Variants in SYN2 observed in about 807,000 individuals in gnomAD.
The protein encoded by SYN2 is synapsin II, also known as synapsin-2.
A neutral mutation model predicts 50.9 loss-of-function variants in SYN2; 19 were observed. The observed-to-expected ratio is 0.37, with a 90% CI of 0.26 to 0.55. SYN2 has a LOEUF of 0.55. Ranked by LOEUF, SYN2 falls within the 20% of genes least tolerant of loss-of-function variation. The pLI, the probability that SYN2 is intolerant of heterozygous loss-of-function variation, is 0.81. For synonymous variants in SYN2, 255 were observed against 224.9 expected (o/e 1.13, Z -1.20); for missense variants, 587 against 576.4 (o/e 1.02, Z -0.19).
At chr3:12,110,707 T>C (rs1489960301) in intron 1 of SYN2, among the ~76,000 whole-genome samples, 2 of 152,220 alleles carry the variant, frequency 1.3e-5, no homozygotes, top group Admixed American at 1.3e-4. Context: ...TTTTTCCTCC[T>C]AGGCCTCTGG....
chr3:12,054,534 C>T (rs996055686), intron 1 of SYN2, among the ~76,000 whole-genome samples: 22 of 152,130 alleles, frequency 1.4e-4, no homozygotes, highest in African/African-American at 5.3e-4. Flanking sequence ...CTGATTCAAC[C>T]AATTACTTAC....
intron 1 of SYN2, among the ~76,000 whole-genome samples, chr3:12,076,775 C>G (rs1468586042): frequency 6.6e-6 from 1 of 152,082 alleles, no homozygotes; most frequent in African/African-American, 2.4e-5. Flanking sequence ...GAACACAGGT[C>G]TATCCCATTA....
intron 1 of SYN2, among the ~76,000 whole-genome samples, chr3:12,084,915 A>G (rs1376535108): frequency 6.6e-6 from 1 of 152,188 alleles, no homozygotes; most frequent in Non-Finnish European, 1.5e-5. Context: ...AAAGGATTCA[A>G]AGTATACCAC....
At chr3:12,054,689 C>T (rs753837192) in intron 1 of SYN2, among the ~76,000 whole-genome samples, 18 of 144,600 alleles carry the variant, frequency 1.2e-4, no homozygotes, top group Non-Finnish European at 2.1e-4. Context: ...TTTAACACTA[C>T]TGTCTCCTGG....
intron 1 of SYN2, among the ~76,000 whole-genome samples, chr3:12,086,519 T>C (rs1340455146): frequency 3.9e-5 from 6 of 152,180 alleles, no homozygotes; most frequent in Admixed American, 3.9e-4. Flanking sequence ...TCATTCACCG[T>C]GATCAAGTGA....
intron 1 of SYN2, among the ~76,000 whole-genome samples, chr3:12,021,055 TA>T (rs1314016527): frequency 2.0e-5 from 3 of 152,236 alleles, no homozygotes; most frequent in African/African-American, 7.2e-5. Flanking sequence ...TATAACTTCA[TA>T]TTTTTTTCAC....
chr3:12,006,374 A>G (rs998833604), intron 1 of SYN2, among the ~76,000 whole-genome samples: 3 of 152,214 alleles, frequency 2.0e-5, no homozygotes, highest in Non-Finnish European at 4.4e-5. Context: ...TGCATATGAT[A>G]GTGCCACTGG....
chr3:12,058,155 G>T (rs990115530), intron 1 of SYN2, among the ~76,000 whole-genome samples: 2 of 152,148 alleles, frequency 1.3e-5, no homozygotes, highest in South Asian at 2.1e-4. Flanking sequence ...CCATCTGGAG[G>T]TTGATTTGGT....
chr3:12,179,756 A>G (rs144267391), intron 10 of SYN2, among the ~76,000 whole-genome samples: 75 of 152,256 alleles, frequency 4.9e-4, no homozygotes, highest in African/African-American at 1.7e-3. Context: ...CACCCTTAAG[A>G]GGTGGCCAGA....
rs147991024 is a variant in SYN2 at position 12,061,409 on chromosome 3, T to G, written c.377+56481T>G. On this transcript the variant is annotated intron_variant, in intron 1 of 12. Transcript: ENST00000621198. ...AGGCATAAAGGTGAATTTCCTCAAC[T>G]TATTAAAGAACATCTTACAAAAAAA... 6.9e-3 allele frequency among the ~76,000 whole-genome samples: 1,053 copies of G among 152,204 alleles called. 12 individuals carry two copies. The highest frequency in any genetic ancestry group is 0.024 in the African/African-American group (983 of 41,544).
intron 1 of SYN2, among the ~76,000 whole-genome samples, chr3:12,130,649 T>C (rs1310596981): frequency 6.6e-6 from 1 of 152,222 alleles, no homozygotes; most frequent in Non-Finnish European, 1.5e-5. Context: ...TGGGCACCTG[T>C]GGCCTAATCA....
At chr3:12,043,337 T>C (rs1247074484) in intron 1 of SYN2, among the ~76,000 whole-genome samples, 1 of 152,162 alleles carries the variant, frequency 6.6e-6, no homozygotes, top group Non-Finnish European at 1.5e-5. Flanking sequence ...TGCTTTTTTT[T>C]CCTCTCCTAA....
intron 1 of SYN2, among the ~76,000 whole-genome samples, chr3:12,089,779 A>G (rs183830259): frequency 1.6e-4 from 24 of 152,236 alleles, no homozygotes; most frequent in Non-Finnish European, 2.5e-4. Flanking sequence ...ATAATTGGGG[A>G]GTCAGAGAGA....
At chr3:12,068,108 A>G (rs1695260441) in intron 1 of SYN2, among the ~76,000 whole-genome samples, 1 of 152,226 alleles carries the variant, frequency 6.6e-6, no homozygotes, top group South Asian at 2.1e-4. Flanking sequence ...CTCAAATGTA[A>G]TAAGTGTATT....
chr3:12,106,746 G>A (rs1297892179), intron 1 of SYN2, among the ~76,000 whole-genome samples: 1 of 151,932 alleles, frequency 6.6e-6, no homozygotes, highest in East Asian at 1.9e-4. Flanking sequence ...TATAATTCAG[G>A]GCTGTGGCTA....
At chr3:12,174,466 T>A (rs1363082337) in intron 10 of SYN2, among the ~76,000 whole-genome samples, 1 of 152,090 alleles carries the variant, frequency 6.6e-6, no homozygotes, top group African/African-American at 2.4e-5. Context: ...GCTCTCTCTC[T>A]GAAATGCTCT....
chr3:12,014,141 T>G (rs1227903265), intron 1 of SYN2, among the ~76,000 whole-genome samples: 1 of 152,220 alleles, frequency 6.6e-6, no homozygotes, highest in African/African-American at 2.4e-5. Flanking sequence ...ATGTGTCTGC[T>G]TCCCCACTAG....
chr3:12,100,108 G>A lies in SYN2; in HGVS notation c.378-40543G>A, dbSNP rs536596559. Among the ~76,000 whole-genome samples, 8 of 152,132 alleles carry A rather than the reference G, an allele frequency of 5.3e-5. No homozygotes were observed. The South Asian group carries it at 1.2e-3, about 24-fold the overall frequency. ...TTGATATGGATTACATTGAACCTGT[G>A]CAGTTTTTTATTGCAGAAATTGACA... On this transcript the variant is annotated intron_variant, in intron 1 of 12. Coordinates refer to ENST00000621198, the MANE Select transcript of SYN2 (RefSeq NM_133625.6).
At chr3:12,021,885 C>T (rs865946412) in intron 1 of SYN2, among the ~76,000 whole-genome samples, 11 of 152,014 alleles carry the variant, frequency 7.2e-5, no homozygotes, top group Non-Finnish European at 1.3e-4. Context: ...GCCAGCGTAA[C>T]GAAACCCCGT....
Sources: gnomAD v4.1 joint callset for allele counts (sites outside exome capture counted in the v4.1 genomes callset) on GRCh38, gnomAD v4.1.1 for gene constraint, MANE v1.5 for transcripts, NCBI Gene and HGNC (gene_info 2026-07-23, HGNC 2026-07-21) for gene names.